Variants in ACTR10 observed in about 807,000 individuals in gnomAD.
The protein encoded by ACTR10 is actin related protein 10.
ACTR10 carries 43 observed loss-of-function variants against 56.2 expected under a neutral mutation model. That is an observed-to-expected ratio of 0.77 (90% CI 0.60 to 0.99). The LOEUF is 0.99. ACTR10 is among the 50% of genes least tolerant of loss of function. The probability of loss-of-function intolerance (pLI) is 0.00; values close to 1 mark genes in which losing one functional copy is unlikely to be tolerated. For synonymous variants in ACTR10, 170 were observed against 176.3 expected (o/e 0.96, Z 0.28); for missense variants, 466 against 507.8 (o/e 0.92, Z 0.79).
intron 10 of ACTR10, among the ~76,000 whole-genome samples, chr14:58,228,374 T>C (rs1261540478): frequency 6.6e-6 from 1 of 152,118 alleles, no homozygotes; most frequent in South Asian, 2.1e-4. Flanking sequence ...TCCCAACACT[T>C]TGGGGAGGCT....
In ACTR10 at chr14:58,234,778, G is replaced by T; in HGVS notation, c.*227G>T. On this transcript the variant is annotated 3_prime_UTR_variant, in exon 13 of 13. Transcript: ENST00000254286. ...GATTTGCTGTATTTATATCAATAAA[G>T]TATAGTAAAGCAGTTTGATTTTGGA... The T allele has an allele frequency of 1.4e-4, 32 of 228,570 alleles. No homozygotes were observed. Among genetic ancestry groups the T allele is most frequent in the East Asian group, 3.7e-4 (4 of 10,700 alleles). 14.2% of individuals were successfully genotyped at this position (228,570 alleles called of 1,614,324 possible).
chr14:58,228,448 G>T (rs910894221), intron 10 of ACTR10, among the ~76,000 whole-genome samples: 5 of 151,850 alleles, frequency 3.3e-5, no homozygotes, highest in African/African-American at 1.2e-4. Context: ...GCAAAACCCC[G>T]TCTCTACTGA....
At position 58,223,786 on chromosome 14, in the gene ACTR10, C is replaced by A; in HGVS notation, c.718C>A (p.Pro240Thr). 1 of 1,612,456 alleles carries A rather than the reference C, an allele frequency of 6.2e-7. No homozygotes were observed. The highest frequency in any genetic ancestry group is 8.5e-7 in the Non-Finnish European group (1 of 1,178,962). Residue 240 changes from proline (P) to threonine (T), a missense_variant, in exon 10 of 13, where the codon CCC becomes ACC. Transcript: ENST00000254286. ...KFNIDGNNER[P>T]SPPPNVDYPL... Reference sequence around the variant, plus strand: ...GTTTATGATATTTATATTTCAGCGTCCCTCCCCACCCCCAAATGTTGACTA... The same window carrying A: ...GTTTATGATATTTATATTTCAGCGTACCTCCCCACCCCCAAATGTTGACTA...
intron 6 of ACTR10, among the ~76,000 whole-genome samples, chr14:58,213,921 A>T (rs572297848): frequency 6.6e-6 from 1 of 152,204 alleles, no homozygotes; most frequent in African/African-American, 2.4e-5. Flanking sequence ...TTTATGAGGT[A>T]CCTGGGATGT....
chr14:58,212,202 A>G (rs1889019311), intron 5 of ACTR10, among the ~76,000 whole-genome samples: 1 of 152,176 alleles, frequency 6.6e-6, no homozygotes, highest in Non-Finnish European at 1.5e-5. Context: ...TGAGTGAGGT[A>G]ATATATATAA....
At chr14:58,234,326 TA>T in intron 12 of ACTR10, 43 bp from the exon 13 acceptor site, 8 of 1,502,510 alleles carry the variant, frequency 5.3e-6, no homozygotes, top group Non-Finnish European at 7.2e-6. Context: ...AGTTTTCTGG[TA>T]AAAGTTTTCA....
At chr14:58,227,166 C>CTTTTTTT (rs10542034) in intron 10 of ACTR10, among the ~76,000 whole-genome samples, 1 of 146,576 alleles carries the variant, frequency 6.8e-6, no homozygotes. Context: ...TGATTTCCAG[C>CTTTTTTT]TTTTTTTTTT....
intron 12 of ACTR10, among the ~76,000 whole-genome samples, chr14:58,232,716 C>G (rs1283881768): frequency 1.3e-5 from 2 of 151,862 alleles, no homozygotes; most frequent in African/African-American, 4.8e-5. Flanking sequence ...GCCCAGCTGA[C>G]TTTTTCTTAA....
At chr14:58,231,951 TAGTATAATAATAATA>T in intron 11 of ACTR10, 100 bp from the exon 12 acceptor site, 1 of 531,532 alleles carries the variant, frequency 1.9e-6, no homozygotes, top group Non-Finnish European at 2.9e-6. Context: ...GTTTAATCTG[TAGTATAATAATAATA>T]TGTATAATAA....
intron 4 of ACTR10, among the ~76,000 whole-genome samples, chr14:58,210,791 C>G (rs1227369605): frequency 1.3e-5 from 2 of 151,828 alleles, no homozygotes; most frequent in South Asian, 4.2e-4. Context: ...TCTCCTGCCT[C>G]AGTCTCCCTT....
At position 58,235,475 on chromosome 14, in the gene ACTR10, A is replaced by G. The variant is rs1051382716; in HGVS notation, c.*924A>G. 3.9e-5 allele frequency: 6 copies of G among 152,242 alleles called. No individual in the cohort carries two copies. Among genetic ancestry groups the G allele is most frequent in the African/African-American group, 1.2e-4 (5 of 41,472 alleles). 9.4% of individuals were successfully genotyped at this position (152,242 alleles called of 1,614,324 possible). On this transcript the variant is annotated 3_prime_UTR_variant, in exon 13 of 13. Transcript: ENST00000254286. Reference sequence around the variant, plus strand: ...AAGAAAAAAGATACTTCATTTTTATATAAGGTTACAACTGCTTTATAAAAA... The same window carrying G: ...AAGAAAAAAGATACTTCATTTTTATGTAAGGTTACAACTGCTTTATAAAAA...
intron 2 of ACTR10, among the ~76,000 whole-genome samples, chr14:58,203,422 T>A (rs1888778424): frequency 6.6e-6 from 1 of 151,912 alleles, no homozygotes; most frequent in African/African-American, 2.4e-5. Context: ...TTGCACACCA[T>A]AAGTATATCA....
At chr14:58,203,265 G>A (rs1888770301) in intron 2 of ACTR10, among the ~76,000 whole-genome samples, 2 of 135,170 alleles carry the variant, frequency 1.5e-5, no homozygotes, top group Non-Finnish European at 3.0e-5. Context: ...TCAAGCCATC[G>A]CACTCCAGCC....
At chr14:58,230,760 T>C (rs913748456) in intron 11 of ACTR10, among the ~76,000 whole-genome samples, 1 of 129,518 alleles carries the variant, frequency 7.7e-6, no homozygotes, top group Admixed American at 7.6e-5. Flanking sequence ...GCCATGGACA[T>C]GTGCTTTTTT....
In ACTR10 at chr14:58,235,554, A is replaced by G. The variant is rs527477248; in HGVS notation, c.*1003A>G. 1.2e-4 allele frequency: 19 copies of G among 152,342 alleles called. No homozygotes were observed. Among genetic ancestry groups the G allele is most frequent in the East Asian group, 1.9e-4 (1 of 5,186 alleles). The allele number at this position is 152,342 out of a possible 1,614,324, so 9.4% of individuals were successfully genotyped here. On this transcript the variant is annotated 3_prime_UTR_variant, in exon 13 of 13. Coordinates refer to ENST00000254286, the MANE Select transcript of ACTR10 (RefSeq NM_018477.3). Reference sequence around the variant, plus strand: ...TTTGTGCTTTATATCTTCTCAGGGCAGAGGTTCTTGAAATATGTACTCAAT... The same window carrying G: ...TTTGTGCTTTATATCTTCTCAGGGCGGAGGTTCTTGAAATATGTACTCAAT...
intron 7 of ACTR10, among the ~76,000 whole-genome samples, chr14:58,216,014 C>T (rs1438388239): frequency 6.7e-6 from 1 of 150,276 alleles, no homozygotes. Context: ...ATTGAACACC[C>T]GAGAGCAAAG....
At chr14:58,223,755 A>T in intron 9 of ACTR10, 28 bp from the exon 10 acceptor site, 1 of 1,608,528 alleles carries the variant, frequency 6.2e-7, no homozygotes. Context: ...ACATGTGTGG[A>T]CTTATGTTTA....
rs542739815 is a variant in ACTR10 at position 58,232,157 on chromosome 14, C to A, written c.962C>A (p.Ala321Glu). 4.8e-5 allele frequency: 77 copies of A among 1,613,598 alleles called. 1 individual carries two copies. In the South Asian group the frequency reaches 8.3e-4, roughly 17 times the overall value. ...CCAGGATTTCTCCACAGATTGCTTG[C>A]AGAAATAAGGTATTTGGTAGAAAAA... The part of the protein sequence containing the change: ...MLPGFLHRLL[A>E]EIRYLVEKPK... The change falls in exon 12 of 13, where the codon GCA (alanine) becomes GAA (glutamate). Residue 321 changes from alanine (A) to glutamate (E), a missense_variant. Physicochemically the swap from Ala to Glu is moderately radical, Grantham distance 107. Coordinates refer to ENST00000254286, the MANE Select transcript of ACTR10 (RefSeq NM_018477.3).
chr14:58,228,821 G>C (rs1889464796), intron 10 of ACTR10, among the ~76,000 whole-genome samples: 1 of 149,624 alleles, frequency 6.7e-6, no homozygotes, highest in Non-Finnish European at 1.5e-5. Context: ...TGGGATTATA[G>C]GCATGAGCCA....
Sources: allele counts gnomAD v4.1 joint callset (sites outside exome capture counted in the v4.1 genomes callset), GRCh38; gene constraint gnomAD v4.1.1; transcripts MANE v1.5; gene names NCBI Gene and HGNC (gene_info 2026-07-23, HGNC 2026-07-21).